TRRAP: variants seen among roughly 807,000 people sequenced by gnomAD.
The protein encoded by TRRAP is transformation/transcription domain associated protein, also known as transformation/transcription domain-associated protein.
In TRRAP, 41 loss-of-function variants were observed where a neutral mutation model predicts 438.8. That is an observed-to-expected ratio of 0.09 (90% CI 0.07 to 0.12). TRRAP has a LOEUF of 0.12. Ranked by LOEUF, TRRAP falls within the 10% of genes least tolerant of loss-of-function variation. The probability of loss-of-function intolerance (pLI) is 1.00; values close to 1 mark genes in which losing one functional copy is unlikely to be tolerated. For missense variants in TRRAP, 3,122 were observed against 5,055.1 expected, an observed-to-expected ratio of 0.62 and a Z score of 11.60; for synonymous variants, 1,994 against 1,962.9, an observed-to-expected ratio of 1.02 and a Z score of -0.42.
intron 30 of TRRAP, among the ~76,000 whole-genome samples, chr7:98,939,907 A>G (rs1790717981): frequency 1.3e-5 from 2 of 152,118 alleles, no homozygotes; most frequent in Admixed American, 1.3e-4. Flanking sequence ...TTTGAGACAG[A>G]GTATGGCTCT....
chr7:98,927,653 G>C (rs1790113791), intron 23 of TRRAP, among the ~76,000 whole-genome samples: 1 of 152,194 alleles, frequency 6.6e-6, no homozygotes, highest in African/African-American at 2.4e-5. Flanking sequence ...CTGTGAAACA[G>C]ACAGTTTGTG....
intron 69 of TRRAP, among the ~76,000 whole-genome samples, chr7:99,006,352 T>C (rs1794164031): frequency 6.6e-6 from 1 of 152,222 alleles, no homozygotes; most frequent in Admixed American, 6.5e-5. Context: ...TTTTTTTATA[T>C]CTCAAAATAA....
chr7:98,895,581 C>T (rs1796160449), intron 6 of TRRAP, among the ~76,000 whole-genome samples, 183 bp from the exon 7 acceptor site: 1 of 152,080 alleles, frequency 6.6e-6, no homozygotes, highest in Non-Finnish European at 1.5e-5. Context: ...TTTATCAGTC[C>T]TTTATATTTA....
At chr7:98,906,958 A>T (rs925575695) in intron 13 of TRRAP, among the ~76,000 whole-genome samples, 2 of 151,702 alleles carry the variant, frequency 1.3e-5, no homozygotes, top group Non-Finnish European at 2.9e-5. Flanking sequence ...CTGCACAGGG[A>T]GATGGAGTAA....
At chr7:98,939,968 G>A (rs948208283) in intron 30 of TRRAP, among the ~76,000 whole-genome samples, 2 of 152,040 alleles carry the variant, frequency 1.3e-5, no homozygotes, top group African/African-American at 2.4e-5. Flanking sequence ...TCCTACCTCT[G>A]CCTCCCGGGT....
intron 63 of TRRAP, among the ~76,000 whole-genome samples, chr7:98,989,726 A>G (rs1023289120): frequency 2.6e-5 from 4 of 152,244 alleles, no homozygotes; most frequent in East Asian, 3.9e-4. Context: ...TCAGTCGTCC[A>G]TGGACACCTG....
In TRRAP at chr7:98,978,333, A is replaced by G. The variant is rs1415227484; in HGVS notation, c.8498+10A>G. 1.2e-5 allele frequency: 20 copies of G among 1,607,740 alleles called. No individual in the cohort carries two copies. Among genetic ancestry groups the G allele is most frequent in the Non-Finnish European group, 1.6e-5 (19 of 1,174,656 alleles). On this transcript the variant is annotated intron_variant, in intron 57 of 72. Coordinates refer to ENST00000456197, the MANE Select transcript of TRRAP (RefSeq NM_001375524.1). ...AAGACCACTGGATTCGGTAAGCCAA[A>G]CACAGTGCTTGACGTGTGCATGAAT...
chr7:98,956,512 G>A lies in TRRAP; in HGVS notation c.6210G>A (p.Thr2070=), dbSNP rs575782214. The part of the protein sequence containing the change: ...DSAQEVKRFR[T]ATGAISAVFG... ...CCCAGGAAGTGAAACGCTTTAGGAC[G>A]GCCACCGGAGCCATCAGTGCAGTAA... The change falls in exon 43 of 73, where the codon ACG becomes ACA. Residue 2070 remains threonine, a synonymous_variant. Transcript: ENST00000456197. The surrounding 1 kb of genome is among the most constrained non-coding windows in gnomAD (Gnocchi z 4.5). 35 of 1,614,036 alleles carry A rather than the reference G, an allele frequency of 2.2e-5. No homozygotes were observed. Among genetic ancestry groups the A allele is most frequent in the East Asian group, 1.8e-4 (8 of 44,860 alleles).
chr7:98,964,666 C>G lies in TRRAP; in HGVS notation c.6867C>G (p.Asn2289Lys). Reference sequence around the variant, plus strand: ...TCCTCAAGTCTGCCTGCAGCAACAACCCCAGCTACATAGACAGGCTGATCT... The same window carrying G: ...TCCTCAAGTCTGCCTGCAGCAACAAGCCCAGCTACATAGACAGGCTGATCT... ...LMILKSACSN[N>K]PSYIDRLISV... The change falls in exon 48 of 73, where the codon AAC becomes AAG. Residue 2289 changes from asparagine (N) to lysine (K), a missense_variant. By Grantham distance (94) the Asn-to-Lys change is moderately conservative. Coordinates refer to ENST00000456197, the MANE Select transcript of TRRAP (RefSeq NM_001375524.1). 6.2e-7 allele frequency: 1 copy of G among 1,614,032 alleles called. No homozygotes were observed. The highest frequency in any genetic ancestry group is 8.5e-7 in the Non-Finnish European group (1 of 1,179,998).
At chr7:98,983,851 T>G (rs1793042317) in intron 60 of TRRAP, among the ~76,000 whole-genome samples, 1 of 152,092 alleles carries the variant, frequency 6.6e-6, no homozygotes, top group South Asian at 2.1e-4. Flanking sequence ...GGCATCCACG[T>G]GTTTAGAGCA....
At chr7:98,980,890 A>C (rs2116750905) in intron 58 of TRRAP, among the ~76,000 whole-genome samples, 1 of 151,862 alleles carries the variant, frequency 6.6e-6, no homozygotes, top group Admixed American at 6.6e-5. Context: ...CCGTTTCTAC[A>C]AAAAATAAAC....
At position 98,908,779 on chromosome 7, in the gene TRRAP, C is replaced by T. The variant is rs1554407957; in HGVS notation, c.1167C>T (p.His389=). 3.8e-6 allele frequency: 6 copies of T among 1,582,184 alleles called. No individual in the cohort carries two copies. The highest frequency in any genetic ancestry group is 4.3e-6 in the Non-Finnish European group (5 of 1,164,090). Residue 389 remains histidine (H), a synonymous_variant, in exon 14 of 73, where the codon CAC becomes CAT. Transcript: ENST00000456197. The surrounding 1 kb of genome is among the most constrained non-coding windows in gnomAD (Gnocchi z 4.1). ...LADLVHHVRQ[H]LPLSDLSLAV... ...ACCTCGTGCACCATGTCCGCCAGCACCTGCCCCTCAGCGACCTCTCCCTCG... is the reference window on the plus strand; with the variant it reads ...ACCTCGTGCACCATGTCCGCCAGCATCTGCCCCTCAGCGACCTCTCCCTCG...
At chr7:98,885,237 G>C (rs1330101434) in intron 3 of TRRAP, among the ~76,000 whole-genome samples, 3 of 147,378 alleles carry the variant, frequency 2.0e-5, no homozygotes, top group Non-Finnish European at 4.5e-5. Flanking sequence ...ACAGATGCAA[G>C]ACACTATGCT....
At chr7:98,990,708 T>G (rs1321749250) in intron 64 of TRRAP, 89 bp downstream of exon 64, 11 of 1,433,742 alleles carry the variant, frequency 7.7e-6, no homozygotes, top group Non-Finnish European at 1.0e-5. Context: ...TAAATTTGAG[T>G]GTTCAAAGTA....
intron 6 of TRRAP, among the ~76,000 whole-genome samples, chr7:98,894,955 C>T (rs944164114): frequency 3.3e-5 from 5 of 151,898 alleles, no homozygotes; most frequent in South Asian, 2.1e-4. Flanking sequence ...CTTTTTCTCA[C>T]GTTAATGTTT....
rs142823918 is a variant in TRRAP at position 99,011,352 on chromosome 7, A to G, written c.11154A>G (p.Lys3718=). 272 of 1,614,062 alleles carry G rather than the reference A, an allele frequency of 1.7e-4. 3 individuals carry two copies. The East Asian group carries it at 6.0e-3, about 36-fold the overall frequency. ...CTTCTGAAATTTAGGACACTGGCAA[A>G]CTGAATGTTGCCTACTTTCGATTTG... ...EMLQIAQDTG[K]LNVAYFRFDI... Residue 3718 remains lysine, a synonymous_variant, in exon 72 of 73, where the codon AAA becomes AAG. Transcript: ENST00000456197. This position sits in a 1 kb window ranked among gnomAD's most constrained non-coding sequence, Gnocchi z 7.1.
At chr7:98,968,261 T>C (rs1215473316) in intron 51 of TRRAP, among the ~76,000 whole-genome samples, 1 of 152,158 alleles carries the variant, frequency 6.6e-6, no homozygotes. Context: ...TCAAGTGATC[T>C]GACTTCCTCG....
At chr7:98,919,132 T>C (rs1478137994) in intron 20 of TRRAP, among the ~76,000 whole-genome samples, 4 of 152,140 alleles carry the variant, frequency 2.6e-5, no homozygotes, top group African/African-American at 9.7e-5. Context: ...TAATAGCAGG[T>C]AGTTGGCCCC....
Position 98,910,501 on chromosome 7 carries a change from C to T in TRRAP, c.1715-9C>T. The T allele has an allele frequency of 6.2e-7, 1 of 1,613,910 alleles. No individual in the cohort carries two copies. Among genetic ancestry groups the T allele is most frequent in the Non-Finnish European group, 8.5e-7 (1 of 1,180,006 alleles). ...TTCAAGTTAACTTAATATACTTTCT[C>T]TTTTCCAGAAGCTCAGTTCATTCCC... On this transcript the variant is annotated splice_polypyrimidine_tract_variant and intron_variant, in intron 15 of 72. Transcript: ENST00000456197.
Sources: gnomAD v4.1 joint callset for allele counts (sites outside exome capture counted in the v4.1 genomes callset) on GRCh38, gnomAD v4.1.1 for gene constraint, Gnocchi (gnomAD v3.1) non-coding constraint, MANE v1.5 for transcripts, NCBI Gene and HGNC (gene_info 2026-07-23, HGNC 2026-07-21) for gene names.